Variants in TMOD3 observed in about 807,000 individuals in gnomAD.
The protein encoded by TMOD3 is tropomodulin 3.
TMOD3 carries 20 observed loss-of-function variants against 39.2 expected under a neutral mutation model. That is an observed-to-expected ratio of 0.51 (90% confidence interval 0.36 to 0.74). TMOD3 has a LOEUF of 0.74. Among genes scored for constraint, TMOD3 ranks in the 30% least tolerant of loss-of-function variants. The pLI, the probability that TMOD3 is intolerant of heterozygous loss-of-function variation, is 0.00. For missense variants in TMOD3, 381 were observed against 412.8 expected (o/e 0.92, Z 0.67); for synonymous variants, 143 against 145.8 (o/e 0.98, Z 0.14).
At chr15:51,853,629 A>T (rs2056372986) in intron 1 of TMOD3, among the ~76,000 whole-genome samples, 2 of 152,186 alleles carry the variant, frequency 1.3e-5, no homozygotes, top group South Asian at 2.1e-4. Flanking sequence ...ACCTGTGGTT[A>T]TAATGGATGT....
intron 1 of TMOD3, chr15:51,861,347 A>G: frequency 4.7e-6 from 1 of 211,950 alleles, no homozygotes; most frequent in Non-Finnish European, 9.8e-6. Context: ...CACGTGCAGG[A>G]AGCTCCCCCA....
intron 9 of TMOD3, 76 bp downstream of exon 9, chr15:51,902,112 G>C: frequency 6.5e-7 from 1 of 1,538,322 alleles, no homozygotes; most frequent in Non-Finnish European, 8.8e-7. Context: ...TCCCTCTTAA[G>C]AATAAATTCT....
At chr15:51,856,083 T>C (rs745331563) in intron 1 of TMOD3, among the ~76,000 whole-genome samples, 1 of 152,120 alleles carries the variant, frequency 6.6e-6, no homozygotes, top group African/African-American at 2.4e-5. Flanking sequence ...GGCAACATGG[T>C]GAAACACTGT....
At chr15:51,875,611 CTTT>C (rs34898032) in intron 3 of TMOD3, among the ~76,000 whole-genome samples, 1 of 116,100 alleles carries the variant, frequency 8.6e-6, no homozygotes, top group African/African-American at 3.3e-5. Flanking sequence ...AAAGTACTGC[CTTT>C]TTTTTTTTTT....
intron 1 of TMOD3, among the ~76,000 whole-genome samples, chr15:51,831,265 A>C (rs1439225109): frequency 2.0e-5 from 3 of 152,224 alleles, no homozygotes; most frequent in Non-Finnish European, 2.9e-5. Flanking sequence ...CCAATATGCC[A>C]ACCTACATTG....
Position 51,869,297 on chromosome 15 carries a change from C to T in TMOD3, c.207C>T (p.Leu69=), listed in dbSNP as rs768597783. The change falls in exon 3 of 10, where the codon CTC becomes CTT. Residue 69 remains leucine (L), a synonymous_variant. Transcript: ENST00000308580. ...STTGPFDREH[L]LSYLEKEALE... is the part of the protein sequence containing the mutation. ...CAGGGCCATTTGATAGAGAGCATCT[C>T]CTTTCATATCTGGAGAAAGAAGCAT... The T allele has an allele frequency of 6.2e-7, 1 of 1,614,100 alleles. No individual in the cohort carries two copies. The highest frequency in any genetic ancestry group is 8.5e-7 in the Non-Finnish European group (1 of 1,179,982).
chr15:51,907,404 C>A (rs986580868), intron 9 of TMOD3: 4 of 152,116 alleles, frequency 2.6e-5, no homozygotes, highest in Admixed American at 2.0e-4. Context: ...TACTTTAGTC[C>A]TTCTGGTTTT....
At chr15:51,904,915 C>T (rs553444533) in intron 9 of TMOD3, among the ~76,000 whole-genome samples, 82 of 152,272 alleles carry the variant, frequency 5.4e-4, no homozygotes, top group African/African-American at 1.9e-3. Context: ...AAAGCAGAAG[C>T]GAGAGAAAGC....
intron 7 of TMOD3, among the ~76,000 whole-genome samples, chr15:51,897,518 TC>T (rs1192410139): frequency 7.5e-5 from 10 of 132,652 alleles, no homozygotes; most frequent in East Asian, 2.2e-4. Context: ...AGCGTCTCAC[TC>T]TGTTGCCCCG....
At chr15:51,905,281 T>C (rs1404540581) in intron 9 of TMOD3, among the ~76,000 whole-genome samples, 1 of 152,192 alleles carries the variant, frequency 6.6e-6, no homozygotes, top group Non-Finnish European at 1.5e-5. Context: ...GTGGATCACC[T>C]GAGGTCAGGA....
intron 9 of TMOD3, among the ~76,000 whole-genome samples, chr15:51,902,648 T>TG: frequency 1.6e-5 from 2 of 121,766 alleles, no homozygotes; most frequent in African/African-American, 3.6e-5. Flanking sequence ...TTTTGTATTT[T>TG]TTTTTTTTTT....
intron 1 of TMOD3, among the ~76,000 whole-genome samples, chr15:51,837,363 G>C (rs116330453): frequency 6.6e-6 from 1 of 151,570 alleles, no homozygotes; most frequent in African/African-American, 2.4e-5. Context: ...CAACCCCCAA[G>C]ATTTATTTTC....
chr15:51,874,149 A>G (rs1214908666), intron 3 of TMOD3, among the ~76,000 whole-genome samples: 1 of 152,196 alleles, frequency 6.6e-6, no homozygotes, highest in African/African-American at 2.4e-5. Flanking sequence ...CTTTTGACCA[A>G]TATAAAAGTA....
intron 3 of TMOD3, among the ~76,000 whole-genome samples, chr15:51,879,320 G>C (rs2056520820): frequency 6.6e-6 from 1 of 151,702 alleles, no homozygotes; most frequent in African/African-American, 2.4e-5. Context: ...GTAACTTGGG[G>C]GTGGGGGATG....
intron 1 of TMOD3, among the ~76,000 whole-genome samples, chr15:51,852,693 GA>G (rs1173556964): frequency 1.3e-5 from 2 of 152,128 alleles, no homozygotes; most frequent in Admixed American, 1.3e-4. Flanking sequence ...GAGAAAGAGG[GA>G]ACTACCAAAG....
At chr15:51,891,396 G>A (rs1239155142) in intron 5 of TMOD3, among the ~76,000 whole-genome samples, 1 of 152,054 alleles carries the variant, frequency 6.6e-6, no homozygotes, top group Non-Finnish European at 1.5e-5. Flanking sequence ...GTTAGTTCTA[G>A]TGGCTTGATG....
chr15:51,878,515 T>C (rs1192492616), intron 3 of TMOD3, among the ~76,000 whole-genome samples: 1 of 152,150 alleles, frequency 6.6e-6, no homozygotes, highest in Non-Finnish European at 1.5e-5. Context: ...AGGATTCAGT[T>C]GCTGTTCTAT....
chr15:51,845,949 A>G (rs2056333447), intron 1 of TMOD3, among the ~76,000 whole-genome samples: 1 of 152,154 alleles, frequency 6.6e-6, no homozygotes, highest in Admixed American at 6.5e-5. Context: ...AGCTTCAGTT[A>G]TATAATCTAG....
At position 51,901,835 on chromosome 15, in the gene TMOD3, T is replaced by A. The variant is rs543904196; in HGVS notation, c.880-57T>A. The A allele has an allele frequency of 1.1e-4, 166 of 1,551,456 alleles. No homozygotes were observed. In the African/African-American group the frequency reaches 2.1e-3, roughly 20 times the overall value. The stretch of plus-strand genomic sequence containing the variant: ...ATGTGCCTGAATGTCTTAATTTACC[T>A]TGAAAAGTATTTTGATCTAGTTTAT... On this transcript the variant is annotated intron_variant, in intron 8 of 9. Coordinates refer to ENST00000308580, the MANE Select transcript of TMOD3 (RefSeq NM_014547.5).
Sources: allele counts gnomAD v4.1 joint callset (sites outside exome capture counted in the v4.1 genomes callset), GRCh38; gene constraint gnomAD v4.1.1; transcripts MANE v1.5; gene names NCBI Gene and HGNC (gene_info 2026-07-23, HGNC 2026-07-21).